The following PCDHGA8 variants were observed in gnomAD, a reference collection of about 807,000 sequenced individuals.
PCDHGA8 encodes protocadherin gamma subfamily A, 8.
Under a neutral mutation model 59.2 loss-of-function variants are expected in PCDHGA8, and 45 were observed. The observed-to-expected ratio is 0.76, with a 90% CI of 0.60 to 0.98. PCDHGA8 has a LOEUF of 0.98. PCDHGA8 is among the 50% of genes least tolerant of loss of function. The pLI, the probability that PCDHGA8 is intolerant of heterozygous loss-of-function variation, is 0.00. For synonymous variants in PCDHGA8, 531 were observed against 519.0 expected (o/e 1.02, Z -0.32); for missense variants, 1,257 against 1,196.2 (o/e 1.05, Z -0.75).
intron 1 of PCDHGA8, among the ~76,000 whole-genome samples, chr5:141,430,329 T>G (rs1466381565): frequency 1.3e-5 from 2 of 151,776 alleles, no homozygotes; most frequent in Non-Finnish European, 2.9e-5. Flanking sequence ...AATCATTGTT[T>G]ATAGAAACTT....
chr5:141,403,580 C>G, intron 1 of PCDHGA8: 1 of 1,613,942 alleles, frequency 6.2e-7, no homozygotes, highest in Non-Finnish European at 8.5e-7. Flanking sequence ...TGCCCACCAC[C>G]TGGTCCTCAC....
intron 1 of PCDHGA8, among the ~76,000 whole-genome samples, chr5:141,463,393 C>CA (rs955461719): frequency 5.7e-5 from 8 of 140,804 alleles, no homozygotes; most frequent in Non-Finnish European, 7.6e-5. Flanking sequence ...TGTCTCCAGG[C>CA]AAAAAAAATG....
At chr5:141,496,734 G>A (rs527288196) in intron 2 of PCDHGA8, among the ~76,000 whole-genome samples, 4 of 152,066 alleles carry the variant, frequency 2.6e-5, no homozygotes, top group Non-Finnish European at 4.4e-5. Flanking sequence ...GTATTCATTC[G>A]TTCATTTATT....
At position 141,485,562 on chromosome 5, in the gene PCDHGA8, C is replaced by T. The variant is rs779890454; in HGVS notation, c.2425-9245C>T. 2.5e-6 allele frequency: 4 copies of T among 1,612,910 alleles called. No homozygotes were observed. Among genetic ancestry groups the T allele is most frequent in the Admixed American group, 1.7e-5 (1 of 59,996 alleles). On this transcript the variant is annotated intron_variant, in intron 1 of 3. Transcript: ENST00000398604. The surrounding 1 kb of genome is among the most constrained non-coding windows in gnomAD (Gnocchi z 5.7). ...GAGATCGTAGATGTGAATGATCACG[C>T]CCCCCGTTTTCCGCGGCAGCAGCTG... is the stretch of plus-strand genomic sequence containing the variant.
intron 1 of PCDHGA8, chr5:141,411,291 C>G (rs2095478163): frequency 6.6e-6 from 1 of 152,158 alleles, no homozygotes; most frequent in South Asian, 2.1e-4. Context: ...ATTCAGAAGA[C>G]AGGCCCAGTG....
At chr5:141,504,500 GAGTGGATCT>G (rs2099838791) in intron 2 of PCDHGA8, among the ~76,000 whole-genome samples, 1 of 152,072 alleles carries the variant, frequency 6.6e-6, no homozygotes, top group Non-Finnish European at 1.5e-5. Context: ...TGCCCAGTCT[GAGTGGATCT>G]CCTCTGATAT....
At chr5:141,499,553 A>T (rs1215178587) in intron 2 of PCDHGA8, among the ~76,000 whole-genome samples, 3 of 152,206 alleles carry the variant, frequency 2.0e-5, no homozygotes, top group African/African-American at 4.8e-5. Context: ...CCTGTATGAT[A>T]CCACTATCCA....
In PCDHGA8 at chr5:141,487,715, C is replaced by T. The variant is rs1209272301; in HGVS notation, c.2425-7092C>T. 2.5e-6 allele frequency: 4 copies of T among 1,582,708 alleles called. No individual in the cohort carries two copies. The highest frequency in any genetic ancestry group is 1.8e-5 in the Admixed American group (1 of 54,696). The stretch of plus-strand genomic sequence containing the variant: ...GAGTACTGGCCTCTCAGTAAGTGCC[C>T]ATAGTGATGTCACCATTTTTGTAAG... On this transcript the variant is annotated intron_variant, in intron 1 of 3. Transcript: ENST00000398604. This position sits in a 1 kb window ranked among gnomAD's most constrained non-coding sequence, Gnocchi z 5.0.
At position 141,511,481 on chromosome 5, in the gene PCDHGA8, ACTC is replaced by A. The variant is rs2154594681; in HGVS notation, c.*313_*315del. On this transcript the variant is annotated 3_prime_UTR_variant, in exon 4 of 4. Coordinates refer to ENST00000398604, the MANE Select transcript of PCDHGA8 (RefSeq NM_032088.2). ...CCACACCCCGTTTAGTTACAGCTGAACTCCTCCATCTTCCAAATCAATCAGGCC... is the reference window on the plus strand; with the variant it reads ...CCACACCCCGTTTAGTTACAGCTGAACTCCATCTTCCAAATCAATCAGGCC... 2 of 464,080 alleles carry A rather than the reference ACTC, an allele frequency of 4.3e-6. No individual in the cohort carries two copies. The highest frequency in any genetic ancestry group is 7.7e-6 in the Non-Finnish European group (2 of 260,856). The allele number at this position is 464,080 out of a possible 1,614,324, so 28.7% of individuals were successfully genotyped here.
Position 141,423,508 on chromosome 5 carries a change from A to T in PCDHGA8, c.2424+28271A>T, listed in dbSNP as rs962526072. ...AACCTATTCCCACGAGGTCTCTCTCATTGCGGACTCGCAGAAGAGTCACCT... is the reference window on the plus strand; with the variant it reads ...AACCTATTCCCACGAGGTCTCTCTCTTTGCGGACTCGCAGAAGAGTCACCT... On this transcript the variant is annotated intron_variant, in intron 1 of 3. Coordinates refer to ENST00000398604, the MANE Select transcript of PCDHGA8 (RefSeq NM_032088.2). The T allele has an allele frequency of 9.9e-6, 16 of 1,613,742 alleles. No homozygotes were observed. The highest frequency in any genetic ancestry group is 1.6e-4 in the Middle Eastern group (1 of 6,084).
chr5:141,509,027 A>G (rs1409179803), intron 3 of PCDHGA8, among the ~76,000 whole-genome samples: 1 of 151,700 alleles, frequency 6.6e-6, no homozygotes, highest in Non-Finnish European at 1.5e-5. Flanking sequence ...GCTCCCTCCC[A>G]CTCAACCCCT....
At position 141,421,815 on chromosome 5, in the gene PCDHGA8, A is replaced by C. The variant is rs746563152; in HGVS notation, c.2424+26578A>C. ...ATGGGGCCAAGAATCCAGAGCTAGTACTGGAGGGAAGCCTGGACCGAGAGA... is the reference window on the plus strand; with the variant it reads ...ATGGGGCCAAGAATCCAGAGCTAGTCCTGGAGGGAAGCCTGGACCGAGAGA... On this transcript the variant is annotated intron_variant, in intron 1 of 3. Coordinates refer to ENST00000398604, the MANE Select transcript of PCDHGA8 (RefSeq NM_032088.2). 4 of 1,613,764 alleles carry C rather than the reference A, an allele frequency of 2.5e-6. No individual in the cohort carries two copies. The South Asian group carries it at 3.3e-5, about 13-fold the overall frequency.
At chr5:141,447,400 A>G (rs904985523) in intron 1 of PCDHGA8, among the ~76,000 whole-genome samples, 1 of 152,090 alleles carries the variant, frequency 6.6e-6, no homozygotes, top group Non-Finnish European at 1.5e-5. Flanking sequence ...GGCCTCCCAA[A>G]GTGCTGGGAT....
At position 141,394,138 on chromosome 5, in the gene PCDHGA8, T is replaced by C. The variant is rs1360282699; in HGVS notation, c.1325T>C (p.Val442Ala). ...ACTGAAACTCAAATCGCTCTGCACG[T>C]GGCAGACATTAACGACAACCCTCCT... is the stretch of plus-strand genomic sequence containing the variant. ...LSTETQIALH[V>A]ADINDNPPTF... The change falls in exon 1 of 4, where the codon GTG becomes GCG. Residue 442 changes from valine (V) to alanine (A), a missense_variant. Val to Ala is a moderately conservative substitution (Grantham distance 64). Transcript: ENST00000398604. 6.2e-7 allele frequency: 1 copy of C among 1,613,860 alleles called. No homozygotes were observed.
rs771124496 is a variant in PCDHGA8, at chr5:141,489,457, C to A, written c.2425-5350C>A. The A allele has an allele frequency of 6.2e-7, 1 of 1,613,882 alleles. No homozygotes were observed. The highest frequency in any genetic ancestry group is 8.5e-7 in the Non-Finnish European group (1 of 1,179,984). ...GCAATTGGGCTCTGAGGAGAATGGG[C>A]GCTATTTTTCCCTGAGCTTGATGAG... On this transcript the variant is annotated intron_variant, in intron 1 of 3. Coordinates refer to ENST00000398604, the MANE Select transcript of PCDHGA8 (RefSeq NM_032088.2). This position sits in a 1 kb window ranked among gnomAD's most constrained non-coding sequence, Gnocchi z 4.5.
chr5:141,487,392 G>A lies in PCDHGA8; in HGVS notation c.2425-7415G>A, dbSNP rs773126086. 2 of 1,614,176 alleles carry A rather than the reference G, an allele frequency of 1.2e-6. No individual in the cohort carries two copies. Among genetic ancestry groups the A allele is most frequent in the Non-Finnish European group, 1.7e-6 (2 of 1,180,024 alleles). On this transcript the variant is annotated intron_variant, in intron 1 of 3. Transcript: ENST00000398604. This position sits in a 1 kb window ranked among gnomAD's most constrained non-coding sequence, Gnocchi z 5.0. ...GCCTGTCTCACCAGATCTCGAAGGA[G>A]GGAGGGGCTTCCCCCTTCCAATGGG...
Position 141,394,487 on chromosome 5 carries a change from C to T in PCDHGA8, c.1674C>T (p.Asn558=), listed in dbSNP as rs371014360. ...TGTTCGTGCTGGACCAGAATGACAA[C>T]GCGCCCGAGATCCTGTACCCCGCCC... is the stretch of plus-strand genomic sequence containing the variant. The part of the protein sequence containing the change: ...LSLFVLDQND[N]APEILYPALP... Residue 558 remains asparagine (N), a synonymous_variant, in exon 1 of 4, where the codon AAC becomes AAT. Coordinates refer to ENST00000398604, the MANE Select transcript of PCDHGA8 (RefSeq NM_032088.2). 6.8e-6 allele frequency: 11 copies of T among 1,614,248 alleles called. No individual in the cohort carries two copies. The highest frequency in any genetic ancestry group is 5.3e-5 in the African/African-American group (4 of 75,072).
intron 2 of PCDHGA8, among the ~76,000 whole-genome samples, chr5:141,501,109 C>G (rs909874167): frequency 2.0e-5 from 3 of 152,106 alleles, no homozygotes; most frequent in Non-Finnish European, 4.4e-5. Context: ...CCTCGTGATC[C>G]GCCTGCCTCA....
intron 1 of PCDHGA8, among the ~76,000 whole-genome samples, chr5:141,451,403 G>A (rs2154563571): frequency 6.6e-6 from 1 of 152,288 alleles, no homozygotes; most frequent in South Asian, 2.1e-4. Context: ...GCAAAATTAA[G>A]TTCCTTGTGG....
Sources: gnomAD v4.1 joint callset for allele counts (sites outside exome capture counted in the v4.1 genomes callset) on GRCh38, gnomAD v4.1.1 for gene constraint, Gnocchi (gnomAD v3.1) non-coding constraint, MANE v1.5 for transcripts, NCBI Gene and HGNC (gene_info 2026-07-23, HGNC 2026-07-21) for gene names.